SRGAP2C: variants seen among roughly 807,000 people sequenced by gnomAD.
SRGAP2C encodes SLIT-ROBO Rho GTPase activating protein 2C.
A neutral mutation model predicts 25.1 loss-of-function variants in SRGAP2C; 15 were observed. The ratio of observed to expected loss-of-function variants is 0.60; its 90% CI spans 0.40 to 0.92. The LOEUF is 0.92. Among genes scored for constraint, SRGAP2C ranks in the 40% least tolerant of loss-of-function variants. The probability of loss-of-function intolerance (pLI) is 0.00; values close to 1 mark genes in which losing one functional copy is unlikely to be tolerated. For missense variants in SRGAP2C, 144 were observed against 264.4 expected, an observed-to-expected ratio of 0.54 and a Z score of 3.16; for synonymous variants, 44 against 96.6, an observed-to-expected ratio of 0.46 and a Z score of 3.19.
chr1:121,272,615 A>G (rs1326184419), intron 2 of SRGAP2C, among the ~76,000 whole-genome samples: 8 of 151,572 alleles, frequency 5.3e-5, no homozygotes, highest in African/African-American at 9.7e-5. Flanking sequence ...TTGTTAACCA[A>G]TCAACATTGC....
intron 4 of SRGAP2C, among the ~76,000 whole-genome samples, chr1:121,339,419 G>C (rs1658598666): frequency 6.7e-6 from 1 of 150,146 alleles, no homozygotes; most frequent in Non-Finnish European, 1.5e-5. Context: ...ATCCAGCTAA[G>C]TTTTTTGTGT....
At chr1:121,285,993 A>T (rs1297338598) in intron 3 of SRGAP2C, among the ~76,000 whole-genome samples, 92,497 of 151,956 alleles carry the variant, frequency 0.61, 28,410 homozygotes, top group East Asian at 0.8. Flanking sequence ...TGATGAGCTT[A>T]AAAAAAATTG....
At chr1:121,270,987 CG>C (rs1329279973) in intron 2 of SRGAP2C, among the ~76,000 whole-genome samples, 1 of 151,142 alleles carries the variant, frequency 6.6e-6, no homozygotes, top group African/African-American at 2.4e-5. Flanking sequence ...TTAGTAGAGA[CG>C]GGGTTTCACT....
intron 4 of SRGAP2C, among the ~76,000 whole-genome samples, chr1:121,354,349 C>T (rs1350490191): frequency 7.7e-5 from 5 of 64,888 alleles, no homozygotes; most frequent in Non-Finnish European, 1.1e-4. Flanking sequence ...CTCTCTCTTT[C>T]TCTCTCTCTC....
intron 4 of SRGAP2C, among the ~76,000 whole-genome samples, chr1:121,340,730 C>A (rs1212545682): frequency 1.9e-4 from 29 of 151,602 alleles, no homozygotes; most frequent in African/African-American, 5.3e-4. Flanking sequence ...TTTTAATTAC[C>A]TGCTGCCAGG....
At chr1:121,257,939 T>C (rs1449031520) in intron 2 of SRGAP2C, among the ~76,000 whole-genome samples, 1 of 144,552 alleles carries the variant, frequency 6.9e-6, no homozygotes, top group Non-Finnish European at 1.5e-5. Context: ...TATATAAAAC[T>C]TGGTTGTTGT....
chr1:121,270,433 T>TG (rs1354584428), intron 2 of SRGAP2C, among the ~76,000 whole-genome samples: 4 of 129,408 alleles, frequency 3.1e-5, no homozygotes, highest in Admixed American at 8.0e-5. Flanking sequence ...TTGATTTTTC[T>TG]GTGTTCATTT....
rs1243591929 is a variant in SRGAP2C at position 121,218,509 on chromosome 1, A to T, written c.67+30996A>T. On this transcript the variant is annotated intron_variant, in intron 2 of 9. Coordinates refer to ENST00000367123, the MANE Select transcript of SRGAP2C (RefSeq NM_001329984.2). The stretch of plus-strand genomic sequence containing the variant: ...TACAGGCACATGTCATCATCTAGCT[A>T]GCATTTTATTTTAACTTAAAAATAT... Among the ~76,000 whole-genome samples the T allele has an allele frequency of 4.3e-5, 5 of 116,242 alleles. No homozygotes were observed. In the Admixed American group the frequency reaches 4.4e-4, roughly 10 times the overall value. The allele number at this position is 116,242 out of a possible 152,430, so 76.3% of individuals were successfully genotyped here.
chr1:121,300,106 T>C (rs1348099289), intron 3 of SRGAP2C, among the ~76,000 whole-genome samples: 171 of 142,704 alleles, frequency 1.2e-3, no homozygotes, highest in Non-Finnish European at 2.2e-3. Context: ...GGTGGAAATG[T>C]GTGTCCTTTC....
chr1:121,366,415 G>A (rs1659324074), intron 5 of SRGAP2C, among the ~76,000 whole-genome samples: 1 of 137,530 alleles, frequency 7.3e-6, no homozygotes, highest in African/African-American at 2.7e-5. Context: ...CAAGTAAATA[G>A]GGTAGAGTAG....
intron 8 of SRGAP2C, among the ~76,000 whole-genome samples, chr1:121,385,030 A>G (rs1659928439): frequency 1.3e-5 from 2 of 152,078 alleles, no homozygotes; most frequent in Admixed American, 1.3e-4. Context: ...CATATGAGTG[A>G]AATAAAAAGA....
chr1:121,188,087 ACAAT>A (rs1250098854), intron 2 of SRGAP2C, among the ~76,000 whole-genome samples: 3 of 152,278 alleles, frequency 2.0e-5, no homozygotes, highest in African/African-American at 7.2e-5. Flanking sequence ...CGGCCTGCAT[ACAAT>A]CAGAGATCAG....
At chr1:121,385,810 G>A (rs1336421548) in intron 8 of SRGAP2C, among the ~76,000 whole-genome samples, 5 of 151,056 alleles carry the variant, frequency 3.3e-5, no homozygotes, top group Admixed American at 1.3e-4. Flanking sequence ...TCTCCAATGG[G>A]AGACAGTGGA....
At chr1:121,284,008 T>C (rs1370832135) in intron 2 of SRGAP2C, among the ~76,000 whole-genome samples, 2 of 151,256 alleles carry the variant, frequency 1.3e-5, no homozygotes, top group African/African-American at 4.8e-5. Context: ...TATGACACTA[T>C]AGAGGCACTA....
chr1:121,261,094 ATTTTT>A (rs1211026484), intron 2 of SRGAP2C, among the ~76,000 whole-genome samples: 2 of 26,262 alleles, frequency 7.6e-5, no homozygotes, highest in African/African-American at 1.5e-4. Flanking sequence ...ACACCTGGCT[ATTTTT>A]TTTTTTTTTT....
chr1:121,369,471 AT>A (rs1366962326), intron 5 of SRGAP2C, among the ~76,000 whole-genome samples: 1 of 151,368 alleles, frequency 6.6e-6, no homozygotes, highest in Non-Finnish European at 1.5e-5. Context: ...GGCTGTTGTT[AT>A]TCCAGAGGCC....
intron 5 of SRGAP2C, among the ~76,000 whole-genome samples, chr1:121,366,911 G>T (rs1366967732): frequency 7.9e-6 from 1 of 125,794 alleles, no homozygotes; most frequent in Non-Finnish European, 1.7e-5. Flanking sequence ...TTTACCCAGG[G>T]TCCTATGTCT....
rs1660106653 is a variant in SRGAP2C, at chr1:121,392,001, CA to C, written c.*4147del. ...AAAAAATATTAAAAAGTAGGAATATCAGCAAAGAGATAACAAATTCTGGAGT... is the reference window on the plus strand; with the variant it reads ...AAAAAATATTAAAAAGTAGGAATATCGCAAAGAGATAACAAATTCTGGAGT... On this transcript the variant is annotated 3_prime_UTR_variant, in exon 10 of 10. Coordinates refer to ENST00000367123, the MANE Select transcript of SRGAP2C (RefSeq NM_001329984.2). The C allele has an allele frequency of 6.6e-6, 1 of 152,154 alleles. No homozygotes were observed. Among genetic ancestry groups the C allele is most frequent in the Admixed American group, 6.5e-5 (1 of 15,286 alleles). 9.4% of individuals were successfully genotyped at this position (152,154 alleles called of 1,614,324 possible).
intron 3 of SRGAP2C, among the ~76,000 whole-genome samples, chr1:121,308,493 TG>T (rs1375345370): frequency 6.6e-6 from 1 of 150,704 alleles, no homozygotes; most frequent in Non-Finnish European, 1.5e-5. Context: ...AATGTATTCC[TG>T]GCCAGGTGAG....
Sources: gnomAD v4.1 joint callset for allele counts (sites outside exome capture counted in the v4.1 genomes callset) on GRCh38, gnomAD v4.1.1 for gene constraint, MANE v1.5 for transcripts, NCBI Gene and HGNC (gene_info 2026-07-23, HGNC 2026-07-21) for gene names.